Variants in CCDC91 observed in about 807,000 individuals in gnomAD.
CCDC91 encodes the protein coiled-coil domain-containing protein 91.
Under a neutral mutation model 63.2 loss-of-function variants are expected in CCDC91, and 48 were observed. The ratio of observed to expected loss-of-function variants is 0.76; its 90% CI spans 0.60 to 0.97. CCDC91 has a LOEUF of 0.97. Among genes scored for constraint, CCDC91 ranks in the 50% least tolerant of loss-of-function variants. CCDC91 has a pLI of 0.00. For missense variants in CCDC91, 500 were observed against 494.6 expected (o/e 1.01, Z -0.10); for synonymous variants, 167 against 165.8 (o/e 1.01, Z -0.06).
chr12:28,439,534 A>G (rs1455079201), intron 8 of CCDC91, among the ~76,000 whole-genome samples: 1 of 152,120 alleles, frequency 6.6e-6, no homozygotes, highest in Non-Finnish European at 1.5e-5. Context: ...CCCCCTCCAC[A>G]CACAATACAC....
At chr12:28,294,218 A>G (rs1413309792) in intron 3 of CCDC91, among the ~76,000 whole-genome samples, 1 of 152,220 alleles carries the variant, frequency 6.6e-6, no homozygotes, top group African/African-American at 2.4e-5. Flanking sequence ...TACCAGGTCA[A>G]TGACAGTTCT....
intron 8 of CCDC91, among the ~76,000 whole-genome samples, chr12:28,402,097 TA>T (rs776184000): frequency 6.6e-6 from 1 of 152,170 alleles, no homozygotes; most frequent in Non-Finnish European, 1.5e-5. Context: ...TTATTGACAT[TA>T]GGGGTTGAAT....
chr12:28,201,068 A>G (rs1409694408), intron 1 of CCDC91, among the ~76,000 whole-genome samples: 1 of 140,152 alleles, frequency 7.1e-6, no homozygotes, highest in African/African-American at 2.7e-5. Context: ...ACTTCCCAGT[A>G]GAGGCGGCAG....
At chr12:28,438,495 T>C (rs578157539) in intron 8 of CCDC91, among the ~76,000 whole-genome samples, 4 of 152,036 alleles carry the variant, frequency 2.6e-5, no homozygotes, top group Non-Finnish European at 4.4e-5. Flanking sequence ...TTTTATTATG[T>C]ATAAATCATC....
intron 12 of CCDC91, among the ~76,000 whole-genome samples, chr12:28,491,201 A>C (rs74837442): frequency 0.012 from 1,882 of 151,754 alleles, 16 homozygotes; most frequent in Non-Finnish European, 0.018. Flanking sequence ...ATGATTCAAA[A>C]TTGTTCATCT....
At chr12:28,201,180 T>A (rs1942275169) in intron 1 of CCDC91, among the ~76,000 whole-genome samples, 1 of 149,478 alleles carries the variant, frequency 6.7e-6, no homozygotes, top group Non-Finnish European at 1.5e-5. Flanking sequence ...GAGACGCTCC[T>A]CACTTCCCAG....
intron 3 of CCDC91, among the ~76,000 whole-genome samples, chr12:28,295,855 AT>A (rs1949533774): frequency 6.6e-6 from 1 of 151,896 alleles, no homozygotes; most frequent in Non-Finnish European, 1.5e-5. Flanking sequence ...GTGTGATATA[AT>A]TTTTTTCTTG....
chr12:28,230,356 A>G (rs1295221928), intron 1 of CCDC91, among the ~76,000 whole-genome samples: 2 of 152,128 alleles, frequency 1.3e-5, no homozygotes, highest in Non-Finnish European at 2.9e-5. Context: ...TTTGGTAGTG[A>G]TGTTTGCATG....
At chr12:28,233,230 A>G (rs1261479949) in intron 1 of CCDC91, among the ~76,000 whole-genome samples, 1 of 152,072 alleles carries the variant, frequency 6.6e-6, no homozygotes, top group Non-Finnish European at 1.5e-5. Flanking sequence ...TTCCCCTTGT[A>G]GTCTATCTTT....
intron 7 of CCDC91, among the ~76,000 whole-genome samples, chr12:28,381,185 G>A (rs1451642708): frequency 6.6e-6 from 1 of 152,082 alleles, no homozygotes; most frequent in South Asian, 2.1e-4. Context: ...AAGCAGAGAT[G>A]TAATAATTAA....
intron 8 of CCDC91, among the ~76,000 whole-genome samples, chr12:28,397,161 G>A (rs764013608): frequency 2.0e-5 from 3 of 152,166 alleles, no homozygotes; most frequent in Non-Finnish European, 2.9e-5. Flanking sequence ...TTTGCAAAGA[G>A]AGAGTTGCTA....
At chr12:28,465,016 C>G (rs1950483870) in intron 11 of CCDC91, among the ~76,000 whole-genome samples, 2 of 152,118 alleles carry the variant, frequency 1.3e-5, no homozygotes, top group South Asian at 4.1e-4. Context: ...AATGGAAGAG[C>G]CCTTGGGCCT....
intron 3 of CCDC91, among the ~76,000 whole-genome samples, chr12:28,296,937 G>A (rs1197623350): frequency 1.3e-5 from 2 of 151,830 alleles, no homozygotes; most frequent in South Asian, 4.1e-4. Flanking sequence ...ACATAGACCT[G>A]AAAATACATT....
intron 3 of CCDC91, among the ~76,000 whole-genome samples, chr12:28,282,393 A>C (rs1176573421): frequency 6.6e-6 from 1 of 152,156 alleles, no homozygotes; most frequent in African/African-American, 2.4e-5. Context: ...TACTTCACTT[A>C]GATAATGGCC....
At chr12:28,255,921 T>C (rs1388174092) in intron 1 of CCDC91, 1 of 152,126 alleles carries the variant, frequency 6.6e-6, no homozygotes, top group East Asian at 1.9e-4. Context: ...AGATGACTAC[T>C]TAAAGCAAAT....
rs141339955 is a variant in CCDC91 at position 28,331,317 on chromosome 12, C to T, written c.576+23568C>T. Among the ~76,000 whole-genome samples the T allele has an allele frequency of 3.8e-3, 584 of 152,244 alleles. 9 individuals are homozygous for T. Among genetic ancestry groups the T allele is most frequent in the Admixed American group, 0.031 (471 of 15,292 alleles). ...TAATCTCCTGGATGAATATTGTAGA[C>T]TGGGTATTTGCAGCCAGCACAGCTG... On this transcript the variant is annotated intron_variant, in intron 6 of 12. Coordinates refer to ENST00000536442, the MANE Select transcript of CCDC91 (RefSeq NM_018318.5).
intron 8 of CCDC91, among the ~76,000 whole-genome samples, chr12:28,393,411 A>G (rs2139338951): frequency 6.6e-6 from 1 of 151,538 alleles, no homozygotes; most frequent in African/African-American, 2.4e-5. Context: ...TGCCTTTGTA[A>G]AGTTAGAGAA....
intron 6 of CCDC91, among the ~76,000 whole-genome samples, chr12:28,358,765 A>G (rs1271744009): frequency 6.6e-6 from 1 of 152,214 alleles, no homozygotes; most frequent in Non-Finnish European, 1.5e-5. Context: ...AAGTCTCTCT[A>G]GTAAGATAAT....
intron 1 of CCDC91, among the ~76,000 whole-genome samples, chr12:28,244,135 A>G (rs1945542690): frequency 6.6e-6 from 1 of 152,234 alleles, no homozygotes. Context: ...AAATGTAAGC[A>G]ACATTTACAT....
Sources: gnomAD v4.1 joint callset for allele counts (sites outside exome capture counted in the v4.1 genomes callset) on GRCh38, gnomAD v4.1.1 for gene constraint, MANE v1.5 for transcripts, NCBI Gene and HGNC (gene_info 2026-07-23, HGNC 2026-07-21) for gene names.